Variants in ODAD1 observed in about 807,000 individuals in gnomAD.
ODAD1 encodes the protein outer dynein arm-docking complex subunit 1.
In ODAD1, 49 loss-of-function variants were observed where a neutral mutation model predicts 67.2. The ratio of observed to expected loss-of-function variants is 0.73; its 90% CI spans 0.58 to 0.92. ODAD1 has a LOEUF of 0.92. Among genes scored for constraint, ODAD1 ranks in the 40% least tolerant of loss-of-function variants. The pLI is 0.00. For missense variants in ODAD1, 897 were observed against 953.7 expected, an observed-to-expected ratio of 0.94 and a Z score of 0.78; for synonymous variants, 345 against 393.7, an observed-to-expected ratio of 0.88 and a Z score of 1.46.
At chr19:48,306,612 G>T (rs563328584) in intron 7 of ODAD1, among the ~76,000 whole-genome samples, 1 of 152,144 alleles carries the variant, frequency 6.6e-6, no homozygotes, top group Admixed American at 6.6e-5. Context: ...AGGAAATGAC[G>T]TTTCCCTAGG....
chr19:48,306,910 C>T (rs938726757), intron 7 of ODAD1, among the ~76,000 whole-genome samples: 3 of 151,990 alleles, frequency 2.0e-5, no homozygotes, highest in Non-Finnish European at 4.4e-5. Context: ...GGGCCAGGCG[C>T]GGTGGCTCAC....
At chr19:48,301,296 C>T (rs966008707) in intron 12 of ODAD1, among the ~76,000 whole-genome samples, 2 of 152,168 alleles carry the variant, frequency 1.3e-5, no homozygotes, top group South Asian at 2.1e-4. Flanking sequence ...TAAGACCCAT[C>T]GGTCCCACTG....
At chr19:48,300,706 A>G (rs1968440905) in intron 12 of ODAD1, among the ~76,000 whole-genome samples, 1 of 152,224 alleles carries the variant, frequency 6.6e-6, no homozygotes, top group South Asian at 2.1e-4. Flanking sequence ...ACAAGTGCAC[A>G]AGATTGAACA....
intron 8 of ODAD1, among the ~76,000 whole-genome samples, chr19:48,304,876 T>C (rs377544595): frequency 7.3e-4 from 105 of 144,496 alleles, no homozygotes; most frequent in African/African-American, 2.8e-3. Flanking sequence ...ATTCCTGTAC[T>C]TCCCGGTGGC....
At position 48,318,413 on chromosome 19, in the gene ODAD1, C is replaced by T. The variant is rs1010776220; in HGVS notation, c.334G>A (p.Glu112Lys). Reference protein sequence around the residue: ...QVQAEIEELQEQTRALDKQIQ... With the variant: ...QVQAEIEELQKQTRALDKQIQ... ...TGCTTGTCCAGGGCCCTGGTCTGCTCCTGCAGCTCCTCGATCTCCGCCTGC... is the reference window on the plus strand; with the variant it reads ...TGCTTGTCCAGGGCCCTGGTCTGCTTCTGCAGCTCCTCGATCTCCGCCTGC... The change falls in exon 5 of 16, where the codon GAG becomes AAG. Residue 112 changes from glutamate (E) to lysine (K), a missense_variant. Physicochemically the swap from Glu to Lys is moderately conservative, Grantham distance 56 (BLOSUM62 1). Transcript: ENST00000674294. 1.2e-5 allele frequency: 18 copies of T among 1,551,538 alleles called. No individual in the cohort carries two copies. The highest frequency in any genetic ancestry group is 1.6e-5 in the Non-Finnish European group (18 of 1,146,994).
intron 5 of ODAD1, among the ~76,000 whole-genome samples, chr19:48,317,732 G>A (rs2147335359): frequency 6.6e-6 from 1 of 150,434 alleles, no homozygotes; most frequent in East Asian, 2.0e-4. Flanking sequence ...AGGCTGGAGT[G>A]CAGCGGCGCG....
chr19:48,320,642 G>A, intron 2 of ODAD1, 130 bp downstream of exon 2: 2 of 182,602 alleles, frequency 1.1e-5, no homozygotes, highest in Admixed American at 6.1e-5. Flanking sequence ...CAGGGGACAG[G>A]CCTCCTGGGC....
chr19:48,308,151 G>A (rs573086522), intron 7 of ODAD1, among the ~76,000 whole-genome samples: 1 of 152,090 alleles, frequency 6.6e-6, no homozygotes, highest in African/African-American at 2.4e-5. Flanking sequence ...AATATACAGG[G>A]GGAGAAAGAG....
intron 5 of ODAD1, among the ~76,000 whole-genome samples, chr19:48,312,845 TGA>T (rs1968801982): frequency 6.6e-6 from 1 of 152,100 alleles, no homozygotes; most frequent in Admixed American, 6.5e-5. Context: ...GAAGTGGAGA[TGA>T]GAGTCGGAGA....
At chr19:48,304,180 A>G (rs1600862196) in intron 8 of ODAD1, 40 bp from the exon 9 acceptor site, 3 of 1,559,574 alleles carry the variant, frequency 1.9e-6, no homozygotes, top group Non-Finnish European at 2.6e-6. Flanking sequence ...TGGAGGCTGG[A>G]CTGGGGTCGG....
chr19:48,311,766 G>A (rs2147327744), intron 6 of ODAD1, 100 bp from the exon 7 acceptor site: 5 of 853,188 alleles, frequency 5.9e-6, no homozygotes, highest in Non-Finnish European at 7.7e-6. Flanking sequence ...AGGTTGGGCC[G>A]GCCTGTTTCC....
chr19:48,302,588 G>A, intron 12 of ODAD1, 106 bp downstream of exon 12: 2 of 872,286 alleles, frequency 2.3e-6, no homozygotes, highest in Non-Finnish European at 3.5e-6. Flanking sequence ...CAACTGATAA[G>A]CAAGTGAACC....
intron 4 of ODAD1, 53 bp from the exon 5 acceptor site, chr19:48,318,629 T>A: frequency 6.5e-7 from 1 of 1,542,332 alleles, no homozygotes; most frequent in South Asian, 1.2e-5. Flanking sequence ...GAACTCAGCA[T>A]CACTAAAGGC....
At chr19:48,309,823 C>G (rs1402958828) in intron 7 of ODAD1, among the ~76,000 whole-genome samples, 1 of 152,200 alleles carries the variant, frequency 6.6e-6, no homozygotes, top group Non-Finnish European at 1.5e-5. Context: ...GACAACATCA[C>G]TAGTCATGGG....
intron 12 of ODAD1, 58 bp downstream of exon 12, chr19:48,302,636 A>G: frequency 6.8e-7 from 1 of 1,477,630 alleles, no homozygotes; most frequent in Non-Finnish European, 9.2e-7. Context: ...CCGCGGGCTG[A>G]TGGTGTCCTT....
In ODAD1 at chr19:48,318,481, C is replaced by T. The variant is rs58966182; in HGVS notation, c.266G>A (p.Arg89Gln). The change falls in exon 5 of 16, where the codon CGG (arginine) becomes CAG (glutamine). Residue 89 changes from arginine to glutamine, a missense_variant. Arg to Gln is a conservative substitution (Grantham distance 43). Coordinates refer to ENST00000674294, the MANE Select transcript of ODAD1 (RefSeq NM_001364171.2). ...NQVKRLRDSQ[R>Q]LENMDRLLKG... is the part of the protein sequence containing the mutation. ...CAGCAGGCGGTCCATGTTCTCCAGC[C>T]GCTGACTGTCCCGAAGCCGCTTGAC... The T allele has an allele frequency of 7.2e-5, 111 of 1,551,660 alleles. No individual in the cohort carries two copies. Among genetic ancestry groups the T allele is most frequent in the Admixed American group, 3.5e-4 (18 of 50,988 alleles).
chr19:48,309,335 CA>C (rs1968699242), intron 7 of ODAD1, among the ~76,000 whole-genome samples: 1 of 152,174 alleles, frequency 6.6e-6, no homozygotes, highest in South Asian at 2.1e-4. Context: ...TGGGGACTTG[CA>C]ACGTCTCCTC....
chr19:48,299,529 C>T (rs769609208), intron 12 of ODAD1, among the ~76,000 whole-genome samples: 2 of 151,760 alleles, frequency 1.3e-5, no homozygotes, highest in African/African-American at 4.8e-5. Flanking sequence ...TGAGGCCCGG[C>T]GCAGTGGCTC....
chr19:48,304,764 G>T (rs7249375), intron 8 of ODAD1, among the ~76,000 whole-genome samples: 39,391 of 152,030 alleles, frequency 0.26, 6,015 homozygotes, highest in African/African-American at 0.43. Flanking sequence ...TCTCTCTCTA[G>T]GTAAACTCTC....
Sources: allele counts gnomAD v4.1 joint callset (sites outside exome capture counted in the v4.1 genomes callset), GRCh38; gene constraint gnomAD v4.1.1; transcripts MANE v1.5; gene names NCBI Gene and HGNC (gene_info 2026-07-23, HGNC 2026-07-21).